MMP8: variants seen among roughly 807,000 people sequenced by gnomAD.
MMP8 encodes the protein matrix metallopeptidase 8, also known as neutrophil collagenase.
A neutral mutation model predicts 51.2 loss-of-function variants in MMP8; 67 were observed. The observed-to-expected ratio is 1.31, with a 90% confidence interval of 1.08 to 1.60. The LOEUF is 1.60. Ranked by LOEUF, MMP8 falls within the 40% of genes most tolerant of loss-of-function variation. The pLI, the probability that MMP8 is intolerant of heterozygous loss-of-function variation, is 0.00. For missense variants in MMP8, 654 were observed against 558.1 expected, an observed-to-expected ratio of 1.17 and a Z score of -1.73; for synonymous variants, 225 against 191.0, an observed-to-expected ratio of 1.18 and a Z score of -1.47.
intron 4 of MMP8, 63 bp downstream of exon 4, chr11:102,721,338 G>GTGTT (rs1861463589): frequency 7.2e-7 from 1 of 1,397,764 alleles, no homozygotes; most frequent in Non-Finnish European, 1.0e-6. Flanking sequence ...GTGTGTGTGT[G>GTGTT]TATTCTAATC....
In MMP8 at chr11:102,714,878, A is replaced by C. The variant is rs576015527; in HGVS notation, c.1037-169T>G. Among the ~76,000 whole-genome samples the C allele has an allele frequency of 2.7e-5, 4 of 149,906 alleles. No individual in the cohort carries two copies. In the East Asian group the frequency reaches 7.9e-4, roughly 30 times the overall value. ...TTTAAAAGATGAAGATGATAAAGTT[A>C]AGTTCAGGGGGGCTGTGAGAGCCTT... On this transcript the variant is annotated intron_variant, in intron 7 of 9. Transcript: ENST00000236826.
intron 2 of MMP8, 67 bp from the exon 3 acceptor site, chr11:102,721,829 T>C (rs1225242781): frequency 5.8e-6 from 9 of 1,553,742 alleles, no homozygotes; most frequent in Non-Finnish European, 7.0e-6. Context: ...AACTGATGAG[T>C]TGTTCTGTTT....
At chr11:102,714,762 TTATA>T (rs58774554) in intron 7 of MMP8, 53 bp from the exon 8 acceptor site, 6,407 of 175,740 alleles carry the variant, frequency 0.036, 136 homozygotes, top group Admixed American at 0.056. Flanking sequence ...TTTTACAAAA[TTATA>T]TATATATATA....
chr11:102,714,931 A>G (rs1861243979), intron 7 of MMP8, among the ~76,000 whole-genome samples: 1 of 151,910 alleles, frequency 6.6e-6, no homozygotes, highest in African/African-American at 2.4e-5. Context: ...TATAAAAAAT[A>G]AAAACTTCTG....
At chr11:102,715,602 T>G (rs536027215) in intron 6 of MMP8, among the ~76,000 whole-genome samples, 165 bp from the exon 7 acceptor site, 14 of 152,312 alleles carry the variant, frequency 9.2e-5, no homozygotes, top group South Asian at 2.1e-4. Context: ...ATGGCGAAGC[T>G]TTATAGTGAT....
Position 102,715,255 on chromosome 11 carries a change from C to G in MMP8, c.1036+49G>C, listed in dbSNP as rs771952033. On this transcript the variant is annotated intron_variant, in intron 7 of 9. Transcript: ENST00000236826. ...AAAGGGACCACAAAGAAGTCCTGCC[C>G]CCTCCCTTCAGGCAGAACTAACATA... 25 of 1,569,144 alleles carry G rather than the reference C, an allele frequency of 1.6e-5. No homozygotes were observed. The East Asian group carries it at 3.6e-4, about 23-fold the overall frequency.
intron 4 of MMP8, among the ~76,000 whole-genome samples, chr11:102,720,301 T>C (rs1456807709): frequency 1.3e-5 from 2 of 151,918 alleles, no homozygotes; most frequent in Non-Finnish European, 2.9e-5. Flanking sequence ...GTAGGAAAAA[T>C]TAGAGGGAGC....
intron 4 of MMP8, among the ~76,000 whole-genome samples, chr11:102,719,904 C>A (rs887363619): frequency 2.6e-5 from 4 of 152,184 alleles, no homozygotes; most frequent in African/African-American, 9.7e-5. Context: ...AGGAAGTTCT[C>A]ATTTCCAGGA....
Position 102,713,297 on chromosome 11 carries a change from G to T in MMP8, c.*51C>A. 7.7e-7 allele frequency: 1 copy of T among 1,306,448 alleles called. No individual in the cohort carries two copies. Among genetic ancestry groups the T allele is most frequent in the African/African-American group, 1.5e-5 (1 of 68,426 alleles). The allele number at this position is 1,306,448 out of a possible 1,614,324, so 80.9% of individuals were successfully genotyped here. ...ACACAATGTAACGAAAATGCTTGCT[G>T]AACTTCCCTTCAACATTCTGAAAGT... On this transcript the variant is annotated 3_prime_UTR_variant, in exon 10 of 10. Transcript: ENST00000236826.
At chr11:102,722,858 C>G in intron 1 of MMP8, 185 bp from the exon 2 acceptor site, 1 of 1,055,204 alleles carries the variant, frequency 9.5e-7, no homozygotes, top group Non-Finnish European at 1.3e-6. Flanking sequence ...AGTTCCTCCA[C>G]TCAGTGCTCC....
chr11:102,720,949 A>G (rs1471378735), intron 4 of MMP8, among the ~76,000 whole-genome samples: 1 of 151,588 alleles, frequency 6.6e-6, no homozygotes, highest in African/African-American at 2.4e-5. Flanking sequence ...GGAATATTAA[A>G]ATAAAGATAT....
intron 6 of MMP8, 47 bp downstream of exon 6, chr11:102,716,255 G>T: frequency 1.6e-6 from 2 of 1,289,938 alleles, no homozygotes; most frequent in Non-Finnish European, 2.2e-6. Flanking sequence ...CAGTTTTAAG[G>T]TATGTCAGTA....
chr11:102,724,924 G>C lies in MMP8; in HGVS notation c.-69C>G. 2.6e-6 allele frequency: 4 copies of C among 1,530,228 alleles called. No individual in the cohort carries two copies. The highest frequency in any genetic ancestry group is 3.5e-6 in the Non-Finnish European group (4 of 1,133,332). The allele number at this position is 1,530,228 out of a possible 1,614,324, so 94.8% of individuals were successfully genotyped here. A position where few individuals can be genotyped will look rare whatever the true frequency, so the allele number is the denominator to read the frequency against. On this transcript the variant is annotated 5_prime_UTR_variant, in exon 1 of 10. Coordinates refer to ENST00000236826, the MANE Select transcript of MMP8 (RefSeq NM_002424.3). ...CCTCTGGGTAGGGCCCTTCCCTGGC[G>C]AGCACCCTGACGTTCACAGCATCAT... is the stretch of plus-strand genomic sequence containing the variant.
chr11:102,716,954 T>A (rs141935516), intron 5 of MMP8, among the ~76,000 whole-genome samples: 63 of 152,022 alleles, frequency 4.1e-4, no homozygotes, highest in African/African-American at 1.4e-3. Context: ...AATAAAGGGG[T>A]GTTGTTGGGG....
In MMP8 at chr11:102,713,834, A is replaced by G. The variant is rs1861201105; in HGVS notation, c.1214T>C (p.Met405Thr). ...TATGCTTTTGGGATAACCTGGCTCC[A>G]TGAATTGTCTTTGGTTATCATATCT... is the stretch of plus-strand genomic sequence containing the variant. ...FWRYDNQRQF[M>T]EPGYPKSISG... Residue 405 changes from methionine to threonine, a missense_variant, in exon 9 of 10, where the codon ATG becomes ACG. Coordinates refer to ENST00000236826, the MANE Select transcript of MMP8 (RefSeq NM_002424.3). The G allele has an allele frequency of 6.2e-7, 1 of 1,611,618 alleles. No homozygotes were observed.
intron 7 of MMP8, 49 bp downstream of exon 7, chr11:102,715,255 C>T (rs771952033): frequency 2.5e-6 from 4 of 1,569,144 alleles, no homozygotes; most frequent in Admixed American, 1.9e-5. Context: ...AAGTCCTGCC[C>T]CCTCCCTTCA....
chr11:102,719,877 C>T (rs369082603), intron 4 of MMP8, among the ~76,000 whole-genome samples: 6 of 152,172 alleles, frequency 3.9e-5, no homozygotes, highest in African/African-American at 1.4e-4. Flanking sequence ...GATACAAAAG[C>T]TGTCAGAATT....
At chr11:102,719,348 T>C (rs1008384430) in intron 4 of MMP8, among the ~76,000 whole-genome samples, 2 of 150,274 alleles carry the variant, frequency 1.3e-5, no homozygotes, top group Non-Finnish European at 2.9e-5. Flanking sequence ...CCAGTCTACA[T>C]GCTGCCTCAC....
Position 102,714,578 on chromosome 11 carries a change from A to C in MMP8, c.1168T>G (p.Phe390Val), listed in dbSNP as rs746443888. 2 of 1,480,870 alleles carry C rather than the reference A, an allele frequency of 1.4e-6. No individual in the cohort carries two copies. The highest frequency in any genetic ancestry group is 2.5e-5 in the Admixed American group (1 of 40,330). 91.7% of individuals were successfully genotyped at this position (1,480,870 alleles called of 1,614,324 possible). The change falls in exon 8 of 10, where the codon TTT becomes GTT. Residue 390 changes from phenylalanine to valine, a missense_variant. Phe to Val is a conservative substitution (Grantham distance 50). Coordinates refer to ENST00000236826, the MANE Select transcript of MMP8 (RefSeq NM_002424.3). ...AVFYRSKTYFFVNDQFWRYDN... is the reference protein window; with the variant it reads ...AVFYRSKTYFVVNDQFWRYDN... The stretch of plus-strand genomic sequence containing the variant: ...TACCTCCAGAATTGGTCATTTACAA[A>C]GAAGTATGTTTTACTTCTGTAGAAA...
Sources: gnomAD v4.1 joint callset for allele counts (sites outside exome capture counted in the v4.1 genomes callset) on GRCh38, gnomAD v4.1.1 for gene constraint, MANE v1.5 for transcripts, NCBI Gene and HGNC (gene_info 2026-07-23, HGNC 2026-07-21) for gene names.